SMARCAD1: variants seen among roughly 807,000 people sequenced by gnomAD.
SMARCAD1 encodes the protein SWI/SNF-related matrix-associated actin-dependent regulator of chromatin subfamily A containing DEAD/H box 1.
A neutral mutation model predicts 127.1 loss-of-function variants in SMARCAD1; 25 were observed. That is an observed-to-expected ratio of 0.20 (90% CI 0.14 to 0.27). The LOEUF (loss-of-function observed/expected upper bound fraction) is 0.27, where lower values mean the gene tolerates loss of function less well. Among genes scored for constraint, SMARCAD1 ranks in the 10% least tolerant of loss-of-function variants. The pLI, the probability that SMARCAD1 is intolerant of heterozygous loss-of-function variation, is 1.00. For synonymous variants in SMARCAD1, 400 were observed against 396.9 expected (o/e 1.01, Z -0.09); for missense variants, 807 against 1,206.0 (o/e 0.67, Z 4.90).
At chr4:94,228,767 A>G (rs1745395965) in intron 3 of SMARCAD1, among the ~76,000 whole-genome samples, 1 of 152,096 alleles carries the variant, frequency 6.6e-6, no homozygotes, top group Non-Finnish European at 1.5e-5. Flanking sequence ...CCATATTTTC[A>G]GTAGTACTTT....
At chr4:94,232,860 G>T (rs565938019) in intron 3 of SMARCAD1, among the ~76,000 whole-genome samples, 13 of 152,158 alleles carry the variant, frequency 8.5e-5, no homozygotes, top group African/African-American at 3.1e-4. Flanking sequence ...AGCACCTGTG[G>T]TCTCAGCTAC....
At chr4:94,280,500 T>G (rs1196903375) in intron 19 of SMARCAD1, 92 bp from the exon 20 acceptor site, 1 of 1,105,404 alleles carries the variant, frequency 9.0e-7, no homozygotes, top group Non-Finnish European at 1.3e-6. Flanking sequence ...ATTTAGATAT[T>G]TTATCAGGTA....
At chr4:94,223,433 C>T (rs1191153799) in intron 2 of SMARCAD1, among the ~76,000 whole-genome samples, 1 of 152,068 alleles carries the variant, frequency 6.6e-6, no homozygotes, top group Non-Finnish European at 1.5e-5. Flanking sequence ...GCGGAGGTTG[C>T]AATGAGCTGA....
At chr4:94,208,674 C>T (rs917759516) in intron 2 of SMARCAD1, 90 bp downstream of exon 2, 1 of 1,239,226 alleles carries the variant, frequency 8.1e-7, no homozygotes, top group Non-Finnish European at 1.2e-6. Flanking sequence ...TTCTTGATGT[C>T]ATATATATTG....
intron 21 of SMARCAD1, 104 bp from the exon 22 acceptor site, chr4:94,283,017 C>CACA (rs1295703139): frequency 1.1e-6 from 1 of 905,074 alleles, no homozygotes; most frequent in East Asian, 2.6e-5. Context: ...AAGAGATGTA[C>CACA]ATACATCTTC....
intron 5 of SMARCAD1, among the ~76,000 whole-genome samples, chr4:94,238,044 T>C (rs546085735): frequency 2.0e-5 from 3 of 151,640 alleles, no homozygotes; most frequent in South Asian, 4.2e-4. Flanking sequence ...TTTTTCGAGG[T>C]TTAAAATATG....
intron 3 of SMARCAD1, among the ~76,000 whole-genome samples, chr4:94,230,022 A>G (rs553121067): frequency 2.6e-5 from 4 of 152,080 alleles, no homozygotes; most frequent in African/African-American, 7.2e-5. Flanking sequence ...TATACAGTCA[A>G]TGCACTTGGA....
intron 6 of SMARCAD1, among the ~76,000 whole-genome samples, chr4:94,247,752 C>A (rs1748669264): frequency 6.6e-6 from 1 of 152,186 alleles, no homozygotes; most frequent in South Asian, 2.1e-4. Context: ...CTATTCTGAA[C>A]ATTTCATTTA....
chr4:94,209,757 A>G (rs1741895102), intron 2 of SMARCAD1, among the ~76,000 whole-genome samples: 3 of 152,256 alleles, frequency 2.0e-5, no homozygotes, highest in South Asian at 2.1e-4. Context: ...TTTAAATGCT[A>G]TAGGGAACAA....
chr4:94,232,198 T>C (rs3106136), intron 3 of SMARCAD1, among the ~76,000 whole-genome samples: 60,477 of 150,778 alleles, frequency 0.4, 12,714 homozygotes, highest in East Asian at 0.72. Context: ...ATTTATTTTC[T>C]ATCACTTGTA....
At position 94,217,443 on chromosome 4, in the gene SMARCAD1, TTTG is replaced by T. The variant is rs761836763; in HGVS notation, c.191-8664_191-8662del. Among the ~76,000 whole-genome samples, 38 of 152,234 alleles carry T rather than the reference TTTG, an allele frequency of 2.5e-4. No individual in the cohort carries two copies. The East Asian group carries it at 4.2e-3, about 17-fold the overall frequency. On this transcript the variant is annotated intron_variant, in intron 2 of 23. Transcript: ENST00000354268. ...GATGTATCCTAGATTTTGATGTGTTTTTGTTGTTGTTGTTTTCTCTTTGACCTG... is the reference window on the plus strand; with the variant it reads ...GATGTATCCTAGATTTTGATGTGTTTTTGTTGTTGTTTTCTCTTTGACCTG...
At chr4:94,276,235 T>G (rs1579324808) in intron 14 of SMARCAD1, 104 bp from the exon 15 acceptor site, 8 of 1,250,052 alleles carry the variant, frequency 6.4e-6, no homozygotes, top group African/African-American at 1.5e-5. Context: ...GTACTGGCTG[T>G]TAGAAATGTG....
At chr4:94,248,706 T>C (rs979247084) in intron 6 of SMARCAD1, among the ~76,000 whole-genome samples, 4 of 152,294 alleles carry the variant, frequency 2.6e-5, no homozygotes, top group African/African-American at 4.8e-5. Flanking sequence ...CTTAGTATTA[T>C]GAAACACATG....
chr4:94,226,084 C>A (rs1258658254), intron 2 of SMARCAD1, 35 bp from the exon 3 acceptor site: 1 of 1,546,428 alleles, frequency 6.5e-7, no homozygotes, highest in Non-Finnish European at 8.9e-7. Flanking sequence ...TTTCCAGTTG[C>A]TCAAAATATT....
chr4:94,255,578 A>C (rs1749946268), intron 9 of SMARCAD1, among the ~76,000 whole-genome samples: 1 of 151,896 alleles, frequency 6.6e-6, no homozygotes, highest in African/African-American at 2.4e-5. Flanking sequence ...ATAAAATGTA[A>C]GTATAATATA....
chr4:94,275,796 C>CTTTTATTTTATTTTATT (rs1553920714), intron 14 of SMARCAD1, among the ~76,000 whole-genome samples: 1 of 85,412 alleles, frequency 1.2e-5, no homozygotes, highest in African/African-American at 3.7e-5. Flanking sequence ...TTAACATTTT[C>CTTTTATTTTATTTTATT]TTTTTTTTTT....
Position 94,275,799 on chromosome 4 carries a change from T to TTATTTTATTTTATTTTTTA in SMARCAD1, c.1809-539_1809-538insATTTTATTTTATTTTTTAT, listed in dbSNP as rs1203656441. On this transcript the variant is annotated intron_variant, in intron 14 of 23. Transcript: ENST00000354268. ...CCGATTGTAACATTAACATTTTCTTTTTTTTTTTTTTTTTTGAGACGGAGT... is the reference window on the plus strand; with the variant it reads ...CCGATTGTAACATTAACATTTTCTTTTATTTTATTTTATTTTTTATTTTTTTTTTTTTTTGAGACGGAGT... 4.9e-5 allele frequency among the ~76,000 whole-genome samples: 7 copies of TTATTTTATTTTATTTTTTA among 142,570 alleles called. No homozygotes were observed. The East Asian group carries it at 8.3e-4, about 17-fold the overall frequency. The allele number at this position is 142,570 out of a possible 152,430, so 93.5% of individuals were successfully genotyped here.
intron 8 of SMARCAD1, 101 bp downstream of exon 8, chr4:94,250,934 G>A: frequency 1.1e-6 from 1 of 891,396 alleles, no homozygotes. Context: ...CTGTTAATCA[G>A]AGGGTGGGAT....
chr4:94,227,982 G>A (rs1255211206), intron 3 of SMARCAD1, among the ~76,000 whole-genome samples: 1 of 152,196 alleles, frequency 6.6e-6, no homozygotes, highest in Admixed American at 6.5e-5. Context: ...GAAGAAACCT[G>A]TAGAAGGTTC....
Sources: allele counts gnomAD v4.1 joint callset (sites outside exome capture counted in the v4.1 genomes callset), GRCh38; gene constraint gnomAD v4.1.1; transcripts MANE v1.5; gene names NCBI Gene and HGNC (gene_info 2026-07-23, HGNC 2026-07-21).